The following NME9 variants were observed in gnomAD, a reference collection of about 807,000 sequenced individuals.
The protein encoded by NME9 is thioredoxin domain-containing protein 6.
NME9 carries 48 observed loss-of-function variants against 44.4 expected under a neutral mutation model. The ratio of observed to expected loss-of-function variants is 1.08; its 90% CI spans 0.86 to 1.37. The LOEUF (loss-of-function observed/expected upper bound fraction) is 1.37, where lower values mean the gene tolerates loss of function less well. Among genes scored for constraint, NME9 ranks in the 40% most tolerant of loss-of-function variants. The probability of loss-of-function intolerance (pLI) is 0.00; values close to 1 mark genes in which losing one functional copy is unlikely to be tolerated. For missense variants in NME9, 325 were observed against 405.2 expected, an observed-to-expected ratio of 0.80 and a Z score of 1.70; for synonymous variants, 139 against 147.1, an observed-to-expected ratio of 0.94 and a Z score of 0.40.
chr3:138,328,338 A>G (rs984365127), intron 1 of NME9, among the ~76,000 whole-genome samples: 1 of 63,526 alleles, frequency 1.6e-5, no homozygotes, highest in African/African-American at 6.1e-5. Context: ...ATCCCACCCC[A>G]CCCCACCCCA....
intron 8 of NME9, among the ~76,000 whole-genome samples, chr3:138,290,268 A>T (rs1180427533): frequency 1.3e-5 from 2 of 152,152 alleles, no homozygotes; most frequent in African/African-American, 2.4e-5. Context: ...AGGCTGAAGA[A>T]TCTCACCTTG....
chr3:138,319,001 C>T (rs1445359071), intron 3 of NME9, among the ~76,000 whole-genome samples: 2 of 152,020 alleles, frequency 1.3e-5, no homozygotes, highest in African/African-American at 2.4e-5. Flanking sequence ...AGTTCTAGAC[C>T]AGCCTGGGCA....
chr3:138,263,594 A>G (rs1010969136), intron 8 of NME9: 7 of 723,300 alleles, frequency 9.7e-6, no homozygotes, highest in South Asian at 6.5e-5. Context: ...GCCCGCCCCC[A>G]GCGCAAGATG....
intron 6 of NME9, among the ~76,000 whole-genome samples, chr3:138,310,541 A>T (rs1560106991): frequency 2.0e-5 from 3 of 152,176 alleles, no homozygotes; most frequent in African/African-American, 7.2e-5. Flanking sequence ...CAACAAATTT[A>T]AAAAAGCAGA....
At chr3:138,308,841 T>C (rs1330073594) in intron 6 of NME9, among the ~76,000 whole-genome samples, 1 of 151,338 alleles carries the variant, frequency 6.6e-6, no homozygotes, top group Non-Finnish European at 1.5e-5. Context: ...AAATATTTTA[T>C]GGTTAAGCTT....
At chr3:138,303,723 C>G in intron 9 of NME9, 80 bp from the exon 10 acceptor site, 1 of 1,328,918 alleles carries the variant, frequency 7.5e-7, no homozygotes. Context: ...ACATGATCAC[C>G]GACTACCAAT....
intron 8 of NME9, among the ~76,000 whole-genome samples, chr3:138,265,056 C>G (rs2048146059): frequency 6.6e-6 from 1 of 151,964 alleles, no homozygotes; most frequent in African/African-American, 2.4e-5. Flanking sequence ...TGCCACTATG[C>G]CTGGCTAATT....
At chr3:138,272,634 T>C (rs947306869) in intron 8 of NME9, among the ~76,000 whole-genome samples, 11 of 152,234 alleles carry the variant, frequency 7.2e-5, no homozygotes, top group African/African-American at 2.7e-4. Context: ...CTCAGCACTT[T>C]GGAAGGCCAA....
intron 4 of NME9, among the ~76,000 whole-genome samples, chr3:138,317,008 CAGTG>C (rs1337171500): frequency 6.6e-6 from 1 of 152,204 alleles, no homozygotes; most frequent in African/African-American, 2.4e-5. Context: ...TCCCATTCCT[CAGTG>C]GGCCACCATA....
downstream of NME9, among the ~76,000 whole-genome samples, chr3:138,299,731 C>G (rs1236960754): frequency 6.6e-6 from 1 of 152,186 alleles, no homozygotes; most frequent in Non-Finnish European, 1.5e-5. Context: ...ACTGCCCTGC[C>G]CAGCTACTTC....
intron 8 of NME9, among the ~76,000 whole-genome samples, chr3:138,276,609 TTGTATTTTTA>T (rs1480395581): frequency 3.3e-5 from 5 of 152,356 alleles, no homozygotes; most frequent in Non-Finnish European, 4.4e-5. Context: ...GAAAAGGCAG[TTGTATTTTTA>T]TATACTAGCA....
intron 8 of NME9, among the ~76,000 whole-genome samples, chr3:138,282,003 G>T (rs941255969): frequency 3.3e-5 from 5 of 152,184 alleles, no homozygotes; most frequent in African/African-American, 1.2e-4. Flanking sequence ...AAATGGTGGA[G>T]AGATGGAGAA....
chr3:138,308,397 G>A (rs1293027939), intron 6 of NME9, among the ~76,000 whole-genome samples: 3 of 152,036 alleles, frequency 2.0e-5, no homozygotes, highest in African/African-American at 7.2e-5. Context: ...CACCGTCCCA[G>A]CAACAGCCTT....
chr3:138,286,087 G>T (rs2050380132), intron 8 of NME9, among the ~76,000 whole-genome samples: 2 of 152,090 alleles, frequency 1.3e-5, no homozygotes, highest in Non-Finnish European at 2.9e-5. Context: ...GGGATTACAG[G>T]CGCGGCACTA....
chr3:138,287,125 A>G (rs998117528), intron 8 of NME9, among the ~76,000 whole-genome samples: 2 of 152,174 alleles, frequency 1.3e-5, no homozygotes, highest in African/African-American at 4.8e-5. Flanking sequence ...CAATCCCTTC[A>G]GCCCAACTGG....
intron 3 of NME9, among the ~76,000 whole-genome samples, chr3:138,318,524 GTCC>G (rs1395324799): frequency 5.3e-5 from 8 of 151,918 alleles, no homozygotes; most frequent in Non-Finnish European, 1.2e-4. Context: ...CGAGGTGAAG[GTCC>G]TCAGGCACCA....
In NME9 at chr3:138,301,635, C is replaced by A; in HGVS notation, c.*5G>T. 6.5e-7 allele frequency: 1 copy of A among 1,536,084 alleles called. No individual in the cohort carries two copies. The highest frequency in any genetic ancestry group is 1.2e-5 in the South Asian group (1 of 84,054). ...CACGTGCTCTGGAAGAGCAGCACAG[C>A]CATCTCAATCCACATCCTCAGGAAA... is the stretch of plus-strand genomic sequence containing the variant. On this transcript the variant is annotated 3_prime_UTR_variant, in exon 11 of 11. Coordinates refer to ENST00000333911, the MANE Select transcript of NME9 (RefSeq NM_001349018.2).
chr3:138,299,060 A>G (rs540460983), downstream of NME9, among the ~76,000 whole-genome samples: 5 of 152,272 alleles, frequency 3.3e-5, no homozygotes, highest in East Asian at 9.7e-4. Flanking sequence ...CCCACCCCAG[A>G]TCTTGATGGA....
chr3:138,296,077 T>C, downstream of NME9: 1 of 532,006 alleles, frequency 1.9e-6, no homozygotes, highest in Non-Finnish European at 3.2e-6. Context: ...AGGTAGTAAT[T>C]TCCTCAGAAG....
Sources: gnomAD v4.1 joint callset for allele counts (sites outside exome capture counted in the v4.1 genomes callset) on GRCh38, gnomAD v4.1.1 for gene constraint, MANE v1.5 for transcripts, NCBI Gene and HGNC (gene_info 2026-07-23, HGNC 2026-07-21) for gene names.